Variants in POSTN observed in about 807,000 individuals in gnomAD.
The protein encoded by POSTN is periostin, also known as osteoblast specific factor 2 (fasciclin I-like).
In POSTN, 71 loss-of-function variants were observed where a neutral mutation model predicts 104.5. That is an observed-to-expected ratio of 0.68 (90% CI 0.56 to 0.83). The LOEUF (loss-of-function observed/expected upper bound fraction) is 0.83, where lower values mean the gene tolerates loss of function less well. Among genes scored for constraint, POSTN ranks in the 40% least tolerant of loss-of-function variants. The pLI is 0.00. For synonymous variants in POSTN, 355 were observed against 340.7 expected (o/e 1.04, Z -0.46); for missense variants, 949 against 1,006.8 (o/e 0.94, Z 0.78).
intron 7 of POSTN, among the ~76,000 whole-genome samples, chr13:37,585,267 C>G (rs1950711059): frequency 6.6e-6 from 1 of 152,080 alleles, no homozygotes; most frequent in African/African-American, 2.4e-5. Context: ...CTTTGACTGG[C>G]ACAAGGGCTC....
intron 20 of POSTN, 38 bp from the exon 21 acceptor site, chr13:37,569,421 A>G (rs1208689155): frequency 1.4e-6 from 2 of 1,473,926 alleles, no homozygotes; most frequent in South Asian, 1.1e-5. Flanking sequence ...ATTGGTTTAT[A>G]TAACAAAATA....
rs183619639 is a variant in POSTN, at chr13:37,580,811, T to C, written c.1393-114A>G. ...GGCCCTTCTGAGAGGTTGCCTGGTG[T>C]CTGAGGCCACGGGAACAGCTTCTTT... On this transcript the variant is annotated intron_variant, in intron 10 of 22. Coordinates refer to ENST00000379747, the MANE Select transcript of POSTN (RefSeq NM_006475.3). 4.7e-6 allele frequency: 6 copies of C among 1,289,718 alleles called. No individual in the cohort carries two copies. In the East Asian group the frequency reaches 1.4e-4, roughly 30 times the overall value. The allele number at this position is 1,289,718 out of a possible 1,614,324, so 79.9% of individuals were successfully genotyped here.
At chr13:37,595,699 A>G (rs1451469654) in intron 2 of POSTN, among the ~76,000 whole-genome samples, 1 of 152,188 alleles carries the variant, frequency 6.6e-6, no homozygotes, top group Non-Finnish European at 1.5e-5. Flanking sequence ...GTTACTTAGT[A>G]ATTTCACATT....
At chr13:37,597,125 A>G (rs111891052) in intron 2 of POSTN, 59 bp downstream of exon 2, 6 of 1,133,446 alleles carry the variant, frequency 5.3e-6, no homozygotes, top group Non-Finnish European at 7.5e-6. Context: ...AGGGGAAGGC[A>G]TATACATCAT....
chr13:37,576,753 T>C (rs1179108217), intron 16 of POSTN, among the ~76,000 whole-genome samples: 2 of 152,136 alleles, frequency 1.3e-5, no homozygotes, highest in Non-Finnish European at 2.9e-5. Context: ...CTATTCCAAT[T>C]AAATCTTTAA....
intron 21 of POSTN, among the ~76,000 whole-genome samples, chr13:37,568,041 A>C (rs1273134147): frequency 6.6e-6 from 1 of 152,038 alleles, no homozygotes; most frequent in Admixed American, 6.6e-5. Flanking sequence ...AATCTTCATA[A>C]TGTGTTTGTC....
At chr13:37,589,050 G>A (rs1950845442) in intron 4 of POSTN, among the ~76,000 whole-genome samples, 1 of 152,140 alleles carries the variant, frequency 6.6e-6, no homozygotes, top group African/African-American at 2.4e-5. Flanking sequence ...CACTGGTACT[G>A]CCAATTGTGG....
intron 15 of POSTN, among the ~76,000 whole-genome samples, chr13:37,578,641 CA>C (rs1032221824): frequency 1.3e-5 from 2 of 150,540 alleles, no homozygotes; most frequent in African/African-American, 4.9e-5. Flanking sequence ...CCTAAAAATA[CA>C]AAAAAAATTA....
intron 4 of POSTN, among the ~76,000 whole-genome samples, chr13:37,589,652 C>T (rs556609163): frequency 3.3e-5 from 5 of 152,116 alleles, no homozygotes; most frequent in African/African-American, 1.2e-4. Flanking sequence ...ACCAGAGGAG[C>T]GATTTCTATA....
chr13:37,567,406 A>C (rs562885011), intron 21 of POSTN, among the ~76,000 whole-genome samples: 21 of 151,870 alleles, frequency 1.4e-4, no homozygotes, highest in African/African-American at 4.8e-4. Context: ...TGTAATCTTT[A>C]CTAGCTTCTT....
chr13:37,592,083 A>G lies in POSTN; in HGVS notation c.283+17T>C, dbSNP rs1290770586. The G allele has an allele frequency of 6.3e-7, 1 of 1,582,378 alleles. No individual in the cohort carries two copies. The stretch of plus-strand genomic sequence containing the variant: ...TGCATATAATTCCTTATTTAATTCA[A>G]AAAATTGAGATTTTACCTGCTGGGC... On this transcript the variant is annotated intron_variant, in intron 3 of 22. Coordinates refer to ENST00000379747, the MANE Select transcript of POSTN (RefSeq NM_006475.3).
chr13:37,578,292 C>A (rs965367381), intron 15 of POSTN, among the ~76,000 whole-genome samples: 1 of 152,038 alleles, frequency 6.6e-6, no homozygotes, highest in African/African-American at 2.4e-5. Context: ...TTTTTCATAA[C>A]ACTTTACACA....
At chr13:37,580,876 T>G (rs746861677) in intron 10 of POSTN, among the ~76,000 whole-genome samples, 179 bp from the exon 11 acceptor site, 1 of 152,168 alleles carries the variant, frequency 6.6e-6, no homozygotes, top group Non-Finnish European at 1.5e-5. Flanking sequence ...ACAAGACACT[T>G]CTTATCTAGC....
At chr13:37,578,439 A>G (rs1950477290) in intron 15 of POSTN, among the ~76,000 whole-genome samples, 1 of 152,162 alleles carries the variant, frequency 6.6e-6, no homozygotes, top group Admixed American at 6.5e-5. Flanking sequence ...TTACTTATTA[A>G]TGCGTACATT....
chr13:37,571,429 C>T lies in POSTN; in HGVS notation c.2119G>A (p.Gly707Ser), dbSNP rs1460482951. The T allele has an allele frequency of 3.1e-6, 5 of 1,609,026 alleles. No individual in the cohort carries two copies. The South Asian group carries it at 4.4e-5, about 14-fold the overall frequency. Residue 707 changes from glycine (G) to serine (S), a missense_variant, in exon 18 of 23, where the codon GGT becomes AGT. Physicochemically the swap from Gly to Ser is moderately conservative, Grantham distance 56. Transcript: ENST00000379747. Reference sequence around the variant, plus strand: ...TTAATCAGTCTGAATTCAGGTTCACCTTCAATTTTGACTTTTGTTAGTGTG... The same window carrying T: ...TTAATCAGTCTGAATTCAGGTTCACTTTCAATTTTGACTTTTGTTAGTGTG... ...GPTLTKVKIEGEPEFRLIKEG... is the reference protein window; with the variant it reads ...GPTLTKVKIESEPEFRLIKEG...
At chr13:37,581,528 T>G (rs1041019) in intron 10 of POSTN, among the ~76,000 whole-genome samples, 36,263 of 152,068 alleles carry the variant, frequency 0.24, 4,939 homozygotes, top group East Asian at 0.68. Context: ...GAGACCAGCC[T>G]GGGAAATGTA....
chr13:37,587,180 T>C (rs1055898284), intron 5 of POSTN, among the ~76,000 whole-genome samples: 21 of 152,098 alleles, frequency 1.4e-4, no homozygotes, highest in Non-Finnish European at 2.9e-4. Context: ...AAGGCAAAGG[T>C]GTTTTTTTCA....
At chr13:37,567,191 C>G (rs1217733841) in intron 21 of POSTN, among the ~76,000 whole-genome samples, 3 of 126,186 alleles carry the variant, frequency 2.4e-5, no homozygotes, top group African/African-American at 9.3e-5. Context: ...AGCCGAGATC[C>G]CGCCACTGCA....
intron 16 of POSTN, among the ~76,000 whole-genome samples, chr13:37,576,497 A>G (rs1380381781): frequency 6.6e-6 from 1 of 152,102 alleles, no homozygotes; most frequent in Non-Finnish European, 1.5e-5. Flanking sequence ...AAATAATTAT[A>G]TTTTTGCTCA....
Sources: gnomAD v4.1 joint callset for allele counts (sites outside exome capture counted in the v4.1 genomes callset) on GRCh38, gnomAD v4.1.1 for gene constraint, MANE v1.5 for transcripts, NCBI Gene and HGNC (gene_info 2026-07-23, HGNC 2026-07-21) for gene names.